NUP35: variants seen among roughly 807,000 people sequenced by gnomAD.
NUP35 encodes nucleoporin NUP35.
Under a neutral mutation model 41.5 loss-of-function variants are expected in NUP35, and 25 were observed. The observed-to-expected ratio is 0.60, with a 90% confidence interval of 0.44 to 0.84. The LOEUF is 0.84. Among genes scored for constraint, NUP35 ranks in the 40% least tolerant of loss-of-function variants. The pLI is 0.00. For synonymous variants in NUP35, 149 were observed against 130.7 expected (o/e 1.14, Z -0.96); for missense variants, 396 against 396.6 (o/e 1.00, Z 0.01).
chr2:183,124,462 C>T lies in NUP35; in HGVS notation c.5C>T (p.Ala2Val). The T allele has an allele frequency of 1.9e-6, 3 of 1,614,192 alleles. No individual in the cohort carries two copies. Among genetic ancestry groups the T allele is most frequent in the Non-Finnish European group, 2.5e-6 (3 of 1,180,006 alleles). Residue 2 changes from alanine to valine, a missense_variant, in exon 1 of 9, where the codon GCA becomes GTA. By Grantham distance (64) the Ala-to-Val change is moderately conservative (BLOSUM62 0). Coordinates refer to ENST00000295119, the MANE Select transcript of NUP35 (RefSeq NM_138285.5). Reference sequence around the variant, plus strand: ...TTAAGTGTAGTTGCCGACGCAATGGCAGCCTTTGCAGTGGAACCTCAGGGG... The same window carrying T: ...TTAAGTGTAGTTGCCGACGCAATGGTAGCCTTTGCAGTGGAACCTCAGGGG... M[A>V]AFAVEPQGPA... is the part of the protein sequence containing the mutation.
intron 5 of NUP35, among the ~76,000 whole-genome samples, chr2:183,153,230 C>A (rs1409421249): frequency 6.6e-6 from 1 of 152,134 alleles, no homozygotes; most frequent in Non-Finnish European, 1.5e-5. Context: ...GGTGGAGACA[C>A]AGCCAAACCA....
At chr2:183,149,405 A>G (rs1685387998) in intron 4 of NUP35, among the ~76,000 whole-genome samples, 1 of 152,028 alleles carries the variant, frequency 6.6e-6, no homozygotes, top group African/African-American at 2.4e-5. Context: ...CTAAAGAAAA[A>G]AAGATTTGCA....
At chr2:183,144,334 A>C (rs74693717) in intron 4 of NUP35, among the ~76,000 whole-genome samples, 3 of 152,162 alleles carry the variant, frequency 2.0e-5, no homozygotes, top group Admixed American at 2.0e-4. Context: ...TGAATTACCA[A>C]TCAGGTGGTT....
chr2:183,129,466 G>T (rs993816969), intron 2 of NUP35, among the ~76,000 whole-genome samples: 1 of 151,956 alleles, frequency 6.6e-6, no homozygotes, highest in Non-Finnish European at 1.5e-5. Context: ...CTTTAAAATG[G>T]TTTATTATTT....
chr2:183,146,279 A>G (rs1242856275), intron 4 of NUP35, among the ~76,000 whole-genome samples: 1 of 152,218 alleles, frequency 6.6e-6, no homozygotes, highest in Admixed American at 6.5e-5. Flanking sequence ...TAGGGTTGCT[A>G]AACAATTTGA....
At chr2:183,128,490 A>G (rs372402320) in intron 2 of NUP35, 33 bp downstream of exon 2, 39 of 1,579,370 alleles carry the variant, frequency 2.5e-5, no homozygotes, top group Non-Finnish European at 3.2e-5. Flanking sequence ...TTTTATAGAC[A>G]TGCTAGATAC....
Position 183,128,401 on chromosome 2 carries a change from G to A in NUP35, c.155G>A (p.Arg52Gln), listed in dbSNP as rs765515641. Reference sequence around the variant, plus strand: ...CCAGCTCCGGTGACTCCACAACCTCGATCAATTAGTGGCCCTTCAGTAGGA... The same window carrying A: ...CCAGCTCCGGTGACTCCACAACCTCAATCAATTAGTGGCCCTTCAGTAGGA... Reference protein sequence around the residue: ...DLPAPVTPQPRSISGPSVGVM... With the variant: ...DLPAPVTPQPQSISGPSVGVM... Residue 52 changes from arginine to glutamine, a missense_variant, in exon 2 of 9, where the codon CGA becomes CAA. Physicochemically the swap from Arg to Gln is conservative, Grantham distance 43. Coordinates refer to ENST00000295119, the MANE Select transcript of NUP35 (RefSeq NM_138285.5). 6.2e-7 allele frequency: 1 copy of A among 1,613,758 alleles called. No homozygotes were observed. The highest frequency in any genetic ancestry group is 2.2e-5 in the East Asian group (1 of 44,854).
chr2:183,128,798 A>G (rs904679531), intron 2 of NUP35, among the ~76,000 whole-genome samples: 5 of 152,306 alleles, frequency 3.3e-5, no homozygotes, highest in South Asian at 2.1e-4. Context: ...AAATTAAGCA[A>G]TGTGTCTATT....
chr2:183,121,422 T>C (rs1454490987), upstream of NUP35, among the ~76,000 whole-genome samples: 3 of 152,184 alleles, frequency 2.0e-5, no homozygotes, highest in Non-Finnish European at 2.9e-5. Context: ...AGGGTTTCAA[T>C]TCTGGGCTTC....
At chr2:183,146,132 A>C (rs773031274) in intron 4 of NUP35, among the ~76,000 whole-genome samples, 23 of 151,604 alleles carry the variant, frequency 1.5e-4, no homozygotes, top group Middle Eastern at 3.4e-3. Context: ...ACTACTCCAG[A>C]AGCTGAGACA....
Position 183,159,433 on chromosome 2 carries a change from C to T in NUP35, c.739-55C>T, listed in dbSNP as rs576268641. On this transcript the variant is annotated intron_variant, in intron 7 of 8. Coordinates refer to ENST00000295119, the MANE Select transcript of NUP35 (RefSeq NM_138285.5). ...TAAATTTTCTAAGTAGGATGTAATA[C>T]TGGATGATATGTATTATGTTTATAA... The T allele has an allele frequency of 8.9e-5, 120 of 1,346,344 alleles. 1 individual carries two copies. The South Asian group carries it at 1.6e-3, about 18-fold the overall frequency. The allele number at this position is 1,346,344 out of a possible 1,614,324, so 83.4% of individuals were successfully genotyped here.
At position 183,159,509 on chromosome 2, in the gene NUP35, A is replaced by C. The variant is rs1219541148; in HGVS notation, c.760A>C (p.Arg254=). The C allele has an allele frequency of 6.2e-7, 1 of 1,613,530 alleles. No individual in the cohort carries two copies. ...CCAGAGTGTTATGGAAAGCAGTGAC[A>C]GATGTGCTTTATCATCTCCATCTTT... The part of the protein sequence containing the change: ...IDKSVMESSD[R]CALSSPSLAF... Residue 254 remains arginine, a synonymous_variant, in exon 8 of 9, where the codon AGA becomes CGA. Transcript: ENST00000295119.
At position 183,161,209 on chromosome 2, in the gene NUP35, C is replaced by A; in HGVS notation, c.*78C>A. On this transcript the variant is annotated 3_prime_UTR_variant, in exon 9 of 9. Coordinates refer to ENST00000295119, the MANE Select transcript of NUP35 (RefSeq NM_138285.5). ...CTGGTTCCTTCGGTTAGTTATATAACTGTTCCTGCAGTATTGGATAGCTAT... is the reference window on the plus strand; with the variant it reads ...CTGGTTCCTTCGGTTAGTTATATAAATGTTCCTGCAGTATTGGATAGCTAT... 4 of 1,008,876 alleles carry A rather than the reference C, an allele frequency of 4.0e-6. No individual in the cohort carries two copies. The South Asian group carries it at 4.4e-5, about 11-fold the overall frequency. 62.5% of individuals were successfully genotyped at this position (1,008,876 alleles called of 1,614,324 possible).
chr2:183,126,072 T>C (rs1213652581), intron 1 of NUP35, among the ~76,000 whole-genome samples: 2 of 152,082 alleles, frequency 1.3e-5, no homozygotes, highest in African/African-American at 2.4e-5. Context: ...GACACAGCCG[T>C]GTCACCTGGG....
rs1262682044 is a variant in NUP35, at chr2:183,158,335, C to G, written c.662C>G (p.Ala221Gly). Residue 221 changes from alanine to glycine, a missense_variant, in exon 7 of 9, where the codon GCT (alanine) becomes GGT (glycine). Transcript: ENST00000295119. ...ATTCGTTATCAATCTAAACTGCAGG[C>G]TCGGAAAGCCTTAAGCAAAGATGGG... ...MHIRYQSKLQ[A>G]RKALSKDGRI... The G allele has an allele frequency of 1.2e-6, 2 of 1,608,628 alleles. No individual in the cohort carries two copies. Among genetic ancestry groups the G allele is most frequent in the Non-Finnish European group, 1.7e-6 (2 of 1,176,610 alleles).
At chr2:183,138,269 ATTTTT>A (rs147315571) in intron 4 of NUP35, among the ~76,000 whole-genome samples, 14 of 80,698 alleles carry the variant, frequency 1.7e-4, no homozygotes, top group Admixed American at 2.7e-4. Flanking sequence ...ATATATATAT[ATTTTT>A]TTTTTTTTTT....
chr2:183,151,573 T>G lies in NUP35; in HGVS notation c.463T>G (p.Leu155Val), dbSNP rs554501045. The G allele has an allele frequency of 4.0e-5, 64 of 1,613,732 alleles. No individual in the cohort carries two copies. Among genetic ancestry groups the G allele is most frequent in the Non-Finnish European group, 5.3e-5 (63 of 1,179,748 alleles). ...PRKTTLSPAQ[L>V]DPFYTQGDSL... is the part of the protein sequence containing the mutation. ...AAAGACGACATTATCTCCTGCCCAG[T>G]TGGATCCTTTTTATACTCAAGGAGA... Residue 155 changes from leucine to valine, a missense_variant, in exon 5 of 9, where the codon TTG becomes GTG. Physicochemically the swap from Leu to Val is conservative, Grantham distance 32. Transcript: ENST00000295119.
chr2:183,143,332 T>A (rs1685168651), intron 4 of NUP35, among the ~76,000 whole-genome samples: 1 of 151,666 alleles, frequency 6.6e-6, no homozygotes. Context: ...ATTTATCAAA[T>A]GAGGCACTAA....
At chr2:183,130,814 A>G (rs536737213) in intron 3 of NUP35, among the ~76,000 whole-genome samples, 1 of 152,178 alleles carries the variant, frequency 6.6e-6, no homozygotes, top group Non-Finnish European at 1.5e-5. Context: ...GCTCCAACCT[A>G]CTTAATATAC....
Sources: gnomAD v4.1 joint callset for allele counts (sites outside exome capture counted in the v4.1 genomes callset) on GRCh38, gnomAD v4.1.1 for gene constraint, MANE v1.5 for transcripts, NCBI Gene and HGNC (gene_info 2026-07-23, HGNC 2026-07-21) for gene names.